The following SHANK2 variants were observed in gnomAD, a reference collection of about 807,000 sequenced individuals.
SHANK2 encodes the protein SH3 and multiple ankyrin repeat domains 2.
A neutral mutation model predicts 133.7 loss-of-function variants in SHANK2; 43 were observed. The ratio of observed to expected loss-of-function variants is 0.32; its 90% CI spans 0.25 to 0.41. SHANK2 has a LOEUF of 0.41. Among genes scored for constraint, SHANK2 ranks in the 10% least tolerant of loss-of-function variants. The pLI, the probability that SHANK2 is intolerant of heterozygous loss-of-function variation, is 1.00. For synonymous variants in SHANK2, 1,017 were observed against 952.8 expected, an observed-to-expected ratio of 1.07 and a Z score of -1.24; for missense variants, 1,994 against 2,235.8, an observed-to-expected ratio of 0.89 and a Z score of 2.18.
intron 2 of SHANK2, among the ~76,000 whole-genome samples, chr11:71,199,016 G>A (rs575193889): frequency 1.8e-4 from 28 of 152,276 alleles, no homozygotes; most frequent in Admixed American, 7.8e-4. Context: ...GACACGGGGC[G>A]GAGGCGTATT....
intron 14 of SHANK2, among the ~76,000 whole-genome samples, chr11:70,794,528 C>T (rs1408495341): frequency 6.6e-6 from 1 of 152,084 alleles, no homozygotes; most frequent in Non-Finnish European, 1.5e-5. Flanking sequence ...AGATCACTTC[C>T]TGGGGTGAAA....
At chr11:70,603,953 T>C (rs1475052156) in intron 17 of SHANK2, 1 of 152,552 alleles carries the variant, frequency 6.6e-6, no homozygotes, top group African/African-American at 2.4e-5. Flanking sequence ...TTTATGCAAA[T>C]ATTTAACCAC....
chr11:71,245,703 G>A (rs1196195257), intron 1 of SHANK2, among the ~76,000 whole-genome samples: 12 of 152,216 alleles, frequency 7.9e-5, no homozygotes, highest in Non-Finnish European at 1.0e-4. Context: ...AATGACCCTC[G>A]AGGGAGGGAA....
intron 11 of SHANK2, among the ~76,000 whole-genome samples, chr11:70,856,043 A>C: frequency 6.6e-6 from 1 of 151,204 alleles, no homozygotes; most frequent in East Asian, 2.0e-4. Context: ...GGATGGATAA[A>C]TGAACAGGTG....
chr11:71,137,921 G>A (rs1242823310), intron 3 of SHANK2, among the ~76,000 whole-genome samples: 1 of 152,104 alleles, frequency 6.6e-6, no homozygotes, highest in African/African-American at 2.4e-5. Context: ...GCTTCTAACG[G>A]TAACGAACCA....
intron 14 of SHANK2, among the ~76,000 whole-genome samples, chr11:70,785,107 A>G (rs1460387430): frequency 6.6e-6 from 1 of 152,132 alleles, no homozygotes; most frequent in Non-Finnish European, 1.5e-5. Flanking sequence ...GCCTCCGTCC[A>G]GCACAGACCT....
At chr11:70,846,439 T>A (rs1948998783) in intron 11 of SHANK2, among the ~76,000 whole-genome samples, 1 of 151,900 alleles carries the variant, frequency 6.6e-6, no homozygotes, top group African/African-American at 2.4e-5. Flanking sequence ...AATTTTTAGT[T>A]TTTCATTTTT....
intron 11 of SHANK2, among the ~76,000 whole-genome samples, chr11:70,875,986 G>A (rs1468044595): frequency 4.6e-5 from 7 of 151,224 alleles, no homozygotes; most frequent in African/African-American, 7.3e-5. Context: ...GAGAAACCCC[G>A]TCTCTACTAA....
At chr11:70,590,456 A>G (rs1218316129) in intron 17 of SHANK2, among the ~76,000 whole-genome samples, 1 of 152,248 alleles carries the variant, frequency 6.6e-6, no homozygotes, top group Non-Finnish European at 1.5e-5. Context: ...ACAGCATTGC[A>G]TGCTACAGAG....
At chr11:70,748,785 G>A (rs144103339) in intron 14 of SHANK2, among the ~76,000 whole-genome samples, 65 of 152,152 alleles carry the variant, frequency 4.3e-4, no homozygotes, top group African/African-American at 1.4e-3. Flanking sequence ...TGGAGTGACC[G>A]TGAATGTGAA....
chr11:70,905,812 T>G lies in SHANK2; in HGVS notation c.1108-9245A>C, dbSNP rs147454700. On this transcript the variant is annotated intron_variant, in intron 10 of 25. Transcript: ENST00000601538. The stretch of plus-strand genomic sequence containing the variant: ...CCACCACCCAGTTTATGTTTTTTTT[T>G]TTTTTTTTTTTTTTTTGAGACGGAG... Among the ~76,000 whole-genome samples, 948 of 149,028 alleles carry G rather than the reference T, an allele frequency of 6.4e-3. 25 individuals are homozygous for G. Among genetic ancestry groups the G allele is most frequent in the African/African-American group, 0.018 (730 of 40,588 alleles).
intron 17 of SHANK2, among the ~76,000 whole-genome samples, chr11:70,590,794 C>T (rs1292763643): frequency 6.6e-6 from 1 of 151,930 alleles, no homozygotes; most frequent in Non-Finnish European, 1.5e-5. Flanking sequence ...GTGTGCATCT[C>T]GCTTTAATGT....
At chr11:71,190,672 G>C (rs1223773002) in intron 2 of SHANK2, among the ~76,000 whole-genome samples, 1 of 152,160 alleles carries the variant, frequency 6.6e-6, no homozygotes, top group African/African-American at 2.4e-5. Context: ...CGTCCTGCAG[G>C]CCGTGACAGA....
At chr11:70,538,707 G>C (rs1043724506) in intron 17 of SHANK2, among the ~76,000 whole-genome samples, 1 of 152,306 alleles carries the variant, frequency 6.6e-6, no homozygotes, top group Non-Finnish European at 1.5e-5. Context: ...CCTGCTCCAG[G>C]GGGAGATAAG....
intron 2 of SHANK2, among the ~76,000 whole-genome samples, chr11:71,163,757 T>TA (rs1392874969): frequency 2.0e-5 from 3 of 152,230 alleles, no homozygotes; most frequent in African/African-American, 7.2e-5. Context: ...TGTGAGCTCT[T>TA]AGAGGAGTGA....
At chr11:71,078,564 G>A (rs896220435) in intron 8 of SHANK2, among the ~76,000 whole-genome samples, 9 of 152,228 alleles carry the variant, frequency 5.9e-5, no homozygotes, top group Non-Finnish European at 7.3e-5. Flanking sequence ...AGTAAGGCAG[G>A]AGGTGGGACT....
chr11:70,493,284 C>T (rs1555156390), intron 21 of SHANK2, among the ~76,000 whole-genome samples: 1 of 148,686 alleles, frequency 6.7e-6, no homozygotes, highest in African/African-American at 2.5e-5. Flanking sequence ...TTTCAGAGGC[C>T]AGGGTGCTCG....
intron 14 of SHANK2, among the ~76,000 whole-genome samples, chr11:70,741,424 G>C (rs1841189604): frequency 6.6e-6 from 1 of 151,964 alleles, no homozygotes; most frequent in South Asian, 2.1e-4. Flanking sequence ...GCACCAACAG[G>C]TATCTTCTTC....
At chr11:71,168,336 C>T (rs1953229009) in intron 2 of SHANK2, among the ~76,000 whole-genome samples, 1 of 141,502 alleles carries the variant, frequency 7.1e-6, no homozygotes, top group African/African-American at 2.7e-5. Context: ...TCCTCACTTT[C>T]CAGACTGGGC....
Sources: gnomAD v4.1 joint callset for allele counts (sites outside exome capture counted in the v4.1 genomes callset) on GRCh38, gnomAD v4.1.1 for gene constraint, MANE v1.5 for transcripts, NCBI Gene and HGNC (gene_info 2026-07-23, HGNC 2026-07-21) for gene names.